The following SFSWAP variants were observed in gnomAD, a reference collection of about 807,000 sequenced individuals.
The protein encoded by SFSWAP is splicing factor SWAP.
In SFSWAP, 17 loss-of-function variants were observed where a neutral mutation model predicts 100.7. The observed-to-expected ratio is 0.17, with a 90% CI of 0.12 to 0.25. The LOEUF is 0.25. SFSWAP is among the 10% of genes least tolerant of loss of function. The probability of loss-of-function intolerance (pLI) is 1.00; values close to 1 mark genes in which losing one functional copy is unlikely to be tolerated. For missense variants in SFSWAP, 1,005 were observed against 1,262.6 expected, an observed-to-expected ratio of 0.80 and a Z score of 3.09; for synonymous variants, 504 against 510.1, an observed-to-expected ratio of 0.99 and a Z score of 0.16.
intron 11 of SFSWAP, among the ~76,000 whole-genome samples, chr12:131,762,485 CTT>C (rs1882759246): frequency 6.6e-6 from 1 of 152,152 alleles, no homozygotes; most frequent in South Asian, 2.1e-4. Context: ...TCTTAATACT[CTT>C]ATTTGTTGAT....
chr12:131,792,307 CGT>C (rs1206158708), intron 15 of SFSWAP, among the ~76,000 whole-genome samples: 7 of 147,670 alleles, frequency 4.7e-5, no homozygotes, highest in African/African-American at 7.6e-5. Flanking sequence ...TGTGTGCACC[CGT>C]GTGTGTTCAC....
At chr12:131,716,680 T>C (rs532278318) in intron 3 of SFSWAP, among the ~76,000 whole-genome samples, 15 of 152,322 alleles carry the variant, frequency 9.8e-5, no homozygotes, top group African/African-American at 3.6e-4. Context: ...TGTTTACATA[T>C]TGTCTGTTGC....
rs142056764 is a variant in SFSWAP, at chr12:131,784,284, A to G, written c.2409-2179A>G. ...ATCAGATCCAGTTTCAACTTGAGGA[A>G]AATTCAGCCCCGGGAGCTGCTGGTA... On this transcript the variant is annotated intron_variant, in intron 14 of 17. Transcript: ENST00000261674. 1,014 of 152,340 alleles carry G rather than the reference A, an allele frequency of 6.7e-3. 9 individuals carry two copies. The highest frequency in any genetic ancestry group is 0.051 in the Middle Eastern group (15 of 294). The allele number at this position is 152,340 out of a possible 1,614,324, so 9.4% of individuals were successfully genotyped here.
intron 7 of SFSWAP, among the ~76,000 whole-genome samples, chr12:131,748,500 C>T (rs997031743): frequency 4.6e-5 from 7 of 152,204 alleles, no homozygotes; most frequent in African/African-American, 1.4e-4. Context: ...TCCTCCCTGA[C>T]TTAGCTCTTC....
intron 4 of SFSWAP, among the ~76,000 whole-genome samples, chr12:131,720,900 TA>T (rs980934871): frequency 6.6e-6 from 1 of 152,162 alleles, no homozygotes; most frequent in African/African-American, 2.4e-5. Flanking sequence ...CACACAGCTA[TA>T]AAAAAATACC....
intron 11 of SFSWAP, among the ~76,000 whole-genome samples, chr12:131,763,575 G>C (rs1311841640): frequency 6.6e-6 from 1 of 152,148 alleles, no homozygotes; most frequent in Non-Finnish European, 1.5e-5. Context: ...AGGAGGGATT[G>C]CTTCTAAACT....
At chr12:131,717,467 G>A (rs187679551) in intron 3 of SFSWAP, among the ~76,000 whole-genome samples, 1 of 152,058 alleles carries the variant, frequency 6.6e-6, no homozygotes, top group Non-Finnish European at 1.5e-5. Flanking sequence ...TAAACAAAAG[G>A]TTATTTGAAT....
At chr12:131,766,902 A>G (rs1883164238) in intron 13 of SFSWAP, among the ~76,000 whole-genome samples, 2 of 152,258 alleles carry the variant, frequency 1.3e-5, no homozygotes. Context: ...GCCTCAGACC[A>G]GAGGCCTTCA....
rs531638406 is a variant in SFSWAP, at chr12:131,733,397, G to A, written c.1081+4969G>A. On this transcript the variant is annotated intron_variant, in intron 7 of 17. Transcript: ENST00000261674. The surrounding 1 kb of genome is among the most constrained non-coding windows in gnomAD (Gnocchi z 5.1). ...TTTGCAGTCCAGCTTTGCAGGGAGC[G>A]GCAGTTTGTCATTTGTAGGAGGAAA... Among the ~76,000 whole-genome samples, 3 of 152,236 alleles carry A rather than the reference G, an allele frequency of 2.0e-5. No homozygotes were observed. Among genetic ancestry groups the A allele is most frequent in the South Asian group, 4.1e-4 (2 of 4,828 alleles).
At chr12:131,742,496 G>A (rs1593136711) in intron 7 of SFSWAP, among the ~76,000 whole-genome samples, 1 of 151,984 alleles carries the variant, frequency 6.6e-6, no homozygotes, top group African/African-American at 2.4e-5. Flanking sequence ...CCAAATAGCT[G>A]GTTAAATGCC....
chr12:131,728,702 C>CTT (rs767892575), intron 7 of SFSWAP, among the ~76,000 whole-genome samples: 3 of 139,124 alleles, frequency 2.2e-5, no homozygotes, highest in Non-Finnish European at 4.7e-5. Flanking sequence ...GCCCTTCTTT[C>CTT]TTTTTTTTTT....
Position 131,778,171 on chromosome 12 carries a change from GAGA to G in SFSWAP, c.2256_2258del (p.Glu753del), listed in dbSNP as rs781466787. 1.1e-4 allele frequency: 174 copies of G among 1,613,846 alleles called. 1 individual carries two copies. The South Asian group carries it at 1.9e-3, about 18-fold the overall frequency. On this transcript the variant is annotated inframe_deletion, in exon 14 of 18. Coordinates refer to ENST00000261674, the MANE Select transcript of SFSWAP (RefSeq NM_004592.4). The surrounding 1 kb of genome is among the most constrained non-coding windows in gnomAD (Gnocchi z 4.2). ...TCGAGCAAAAGCAAAGATCCACCGA[GAGA>G]AGAAGAGAAAGAAAAGAAAAAGAAA... is the stretch of plus-strand genomic sequence containing the variant.
intron 7 of SFSWAP, among the ~76,000 whole-genome samples, chr12:131,748,032 ACT>A (rs1188645635): frequency 1.3e-5 from 2 of 152,012 alleles, no homozygotes; most frequent in African/African-American, 4.8e-5. Context: ...CCACCATCTG[ACT>A]CTGGATGCCT....
At chr12:131,712,731 A>G (rs1016544030) in intron 1 of SFSWAP, 39 of 152,354 alleles carry the variant, frequency 2.6e-4, no homozygotes, top group Middle Eastern at 3.4e-3. Context: ...GCTGTGCTCA[A>G]GCGTGCTGTG....
intron 15 of SFSWAP, among the ~76,000 whole-genome samples, chr12:131,793,961 G>A (rs1430008047): frequency 6.6e-6 from 1 of 152,122 alleles, no homozygotes; most frequent in Non-Finnish European, 1.5e-5. Flanking sequence ...ACTGGATTGG[G>A]AAACGTGTGC....
chr12:131,762,561 T>C (rs1462270367), intron 11 of SFSWAP, among the ~76,000 whole-genome samples: 3 of 152,222 alleles, frequency 2.0e-5, no homozygotes, highest in Non-Finnish European at 2.9e-5. Context: ...TTTTGTGATA[T>C]ATTTTAGTCC....
chr12:131,740,294 C>A (rs577490103), intron 7 of SFSWAP, among the ~76,000 whole-genome samples: 1 of 152,130 alleles, frequency 6.6e-6, no homozygotes, highest in African/African-American at 2.4e-5. Context: ...TGCACCGAGT[C>A]GCTTGCCTAG....
intron 1 of SFSWAP, chr12:131,712,629 C>G (rs1877483064): frequency 6.6e-6 from 1 of 152,212 alleles, no homozygotes; most frequent in Non-Finnish European, 1.5e-5. Flanking sequence ...TTTTCCATCC[C>G]TGACGTTTCC....
At chr12:131,763,594 G>T (rs919367638) in intron 11 of SFSWAP, among the ~76,000 whole-genome samples, 1 of 152,004 alleles carries the variant, frequency 6.6e-6, no homozygotes, top group Non-Finnish European at 1.5e-5. Flanking sequence ...CTTCTGTCAC[G>T]CTGGGTTTGA....
Sources: gnomAD v4.1 joint callset for allele counts (sites outside exome capture counted in the v4.1 genomes callset) on GRCh38, gnomAD v4.1.1 for gene constraint, Gnocchi (gnomAD v3.1) non-coding constraint, MANE v1.5 for transcripts, NCBI Gene and HGNC (gene_info 2026-07-23, HGNC 2026-07-21) for gene names.